AP3S2: variants seen among roughly 807,000 people sequenced by gnomAD.
AP3S2 encodes the protein AP-3 complex subunit sigma-2.
AP3S2 carries 22 observed loss-of-function variants against 23.4 expected under a neutral mutation model. The observed-to-expected ratio is 0.94, with a 90% CI of 0.67 to 1.34. The LOEUF is 1.34. Among genes scored for constraint, AP3S2 ranks in the 40% most tolerant of loss-of-function variants. The pLI is 0.00. For synonymous variants in AP3S2, 86 were observed against 87.1 expected (o/e 0.99, Z 0.07); for missense variants, 241 against 236.9 (o/e 1.02, Z -0.11).
intron 4 of AP3S2, among the ~76,000 whole-genome samples, chr15:89,845,158 C>T (rs559328244): frequency 4.6e-5 from 7 of 152,308 alleles, no homozygotes; most frequent in Admixed American, 1.3e-4. Context: ...CTGCCTACCC[C>T]GGCCTCCCAA....
chr15:89,863,766 C>T (rs1425695193), intron 4 of AP3S2, among the ~76,000 whole-genome samples: 1 of 152,172 alleles, frequency 6.6e-6, no homozygotes, highest in Non-Finnish European at 1.5e-5. Flanking sequence ...GACCTAGGAA[C>T]TGATGAGAGT....
chr15:89,892,613 G>T (rs1896844798), intron 1 of AP3S2, among the ~76,000 whole-genome samples: 1 of 152,172 alleles, frequency 6.6e-6, no homozygotes, highest in Non-Finnish European at 1.5e-5. Flanking sequence ...ACACACAAAT[G>T]CAAATACAAA....
intron 4 of AP3S2, among the ~76,000 whole-genome samples, chr15:89,864,498 T>A (rs868139135): frequency 3.7e-4 from 56 of 152,198 alleles, no homozygotes; most frequent in Admixed American, 7.9e-4. Flanking sequence ...AAAGCTTCCC[T>A]TTGAAACCAG....
intron 4 of AP3S2, among the ~76,000 whole-genome samples, chr15:89,862,004 G>A (rs1338392444): frequency 6.6e-6 from 1 of 152,034 alleles, no homozygotes; most frequent in Non-Finnish European, 1.5e-5. Context: ...GTCCACTGTG[G>A]CTAGAGCAGA....
At chr15:89,838,642 G>T (rs894915099) in intron 4 of AP3S2, among the ~76,000 whole-genome samples, 1 of 152,216 alleles carries the variant, frequency 6.6e-6, no homozygotes, top group Non-Finnish European at 1.5e-5. Flanking sequence ...TTTCGGTCAA[G>T]TTGGGAAGAC....
At chr15:89,859,778 T>TTTC (rs1321071583) in intron 4 of AP3S2, among the ~76,000 whole-genome samples, 2 of 149,878 alleles carry the variant, frequency 1.3e-5, no homozygotes, top group East Asian at 3.9e-4. Context: ...TTTTTTTTTT[T>TTTC]TCTGAGATGG....
chr15:89,854,520 G>T (rs1358938379), intron 4 of AP3S2, among the ~76,000 whole-genome samples: 876 of 56,322 alleles, frequency 0.016, 37 homozygotes, highest in Non-Finnish European at 0.025. Context: ...GGAGGGAGGT[G>T]GGGGGGGTCA....
At chr15:89,884,931 G>C (rs181432838) in intron 3 of AP3S2, among the ~76,000 whole-genome samples, 23 of 152,158 alleles carry the variant, frequency 1.5e-4, no homozygotes, top group African/African-American at 5.3e-4. Flanking sequence ...ACAGGCGTGA[G>C]CCGCTGTGCC....
chr15:89,852,031 C>T (rs555204008), intron 4 of AP3S2, among the ~76,000 whole-genome samples: 5 of 152,238 alleles, frequency 3.3e-5, no homozygotes, highest in South Asian at 2.1e-4. Context: ...TCAAAGCAGG[C>T]GGGAATACTA....
At chr15:89,837,765 G>A in intron 4 of AP3S2, 43 bp from the exon 5 acceptor site, 2 of 1,608,064 alleles carry the variant, frequency 1.2e-6, no homozygotes, top group East Asian at 2.2e-5. Context: ...ACTCTGTGGT[G>A]GTCAGAGTGT....
At chr15:89,853,655 G>C (rs932569599) in intron 4 of AP3S2, among the ~76,000 whole-genome samples, 3 of 133,898 alleles carry the variant, frequency 2.2e-5, no homozygotes, top group Non-Finnish European at 3.2e-5. Context: ...ATCCCATCTA[G>C]GAAGTGAGGA....
At chr15:89,849,751 C>T (rs1282887737) in intron 4 of AP3S2, among the ~76,000 whole-genome samples, 1 of 152,024 alleles carries the variant, frequency 6.6e-6, no homozygotes. Context: ...CATAGCTATA[C>T]ACGTGCCATG....
At chr15:89,857,015 C>T (rs185634799) in intron 4 of AP3S2, among the ~76,000 whole-genome samples, 2 of 152,196 alleles carry the variant, frequency 1.3e-5, no homozygotes, top group East Asian at 3.9e-4. Context: ...GACACTATTC[C>T]AAAGGCGTTT....
chr15:89,843,141 C>T (rs1308007946), intron 4 of AP3S2, among the ~76,000 whole-genome samples: 2 of 151,778 alleles, frequency 1.3e-5, no homozygotes, highest in African/African-American at 2.4e-5. Flanking sequence ...TGTGCCACCA[C>T]GCCTGACTAA....
intron 3 of AP3S2, among the ~76,000 whole-genome samples, chr15:89,872,211 T>C (rs973783919): frequency 5.9e-5 from 9 of 152,008 alleles, no homozygotes; most frequent in South Asian, 4.2e-4. Flanking sequence ...AATGAATACA[T>C]GTACAAAAAA....
At chr15:89,849,144 T>A (rs958558101) in intron 4 of AP3S2, 5 of 152,154 alleles carry the variant, frequency 3.3e-5, no homozygotes, top group African/African-American at 1.2e-4. Context: ...CATTAACAAG[T>A]ACCAGGCATA....
chr15:89,843,880 C>T (rs1019264238), intron 4 of AP3S2, among the ~76,000 whole-genome samples: 1 of 152,144 alleles, frequency 6.6e-6, no homozygotes, highest in East Asian at 1.9e-4. Context: ...AACTACTTAA[C>T]TGTAGGTCTA....
intron 4 of AP3S2, among the ~76,000 whole-genome samples, chr15:89,867,544 C>T (rs28758221): frequency 5.6e-4 from 74 of 132,780 alleles, no homozygotes; most frequent in Non-Finnish European, 6.1e-4. Flanking sequence ...TGCGCCCGGC[C>T]GCCATCCCAT....
intron 1 of AP3S2, among the ~76,000 whole-genome samples, chr15:89,891,511 T>C (rs1298519901): frequency 6.6e-6 from 1 of 151,844 alleles, no homozygotes; most frequent in African/African-American, 2.4e-5. Context: ...ATACAAAAAT[T>C]AGCCAGGCAT....
Sources: gnomAD v4.1 joint callset for allele counts (sites outside exome capture counted in the v4.1 genomes callset) on GRCh38, gnomAD v4.1.1 for gene constraint, MANE v1.5 for transcripts, NCBI Gene and HGNC (gene_info 2026-07-23, HGNC 2026-07-21) for gene names.